The following EPB41L5 variants were observed in gnomAD, a reference collection of about 807,000 sequenced individuals.
The protein encoded by EPB41L5 is erythrocyte membrane protein band 4.1 like 5, also known as band 4.1-like protein 5.
Under a neutral mutation model 106.6 loss-of-function variants are expected in EPB41L5, and 55 were observed. That is an observed-to-expected ratio of 0.52 (90% CI 0.42 to 0.65). The LOEUF (loss-of-function observed/expected upper bound fraction) is 0.65. Among genes scored for constraint, EPB41L5 ranks in the 30% least tolerant of loss-of-function variants. The pLI is 0.00. For missense variants in EPB41L5, 871 were observed against 882.1 expected (o/e 0.99, Z 0.16); for synonymous variants, 297 against 306.7 (o/e 0.97, Z 0.33).
intron 3 of EPB41L5, among the ~76,000 whole-genome samples, chr2:120,043,007 G>T (rs796784171): frequency 1.3e-5 from 1 of 74,848 alleles, no homozygotes; most frequent in Non-Finnish European, 3.7e-5. Flanking sequence ...GTGTGTGTGT[G>T]TGTGTGTGTG....
intron 18 of EPB41L5, among the ~76,000 whole-genome samples, chr2:120,139,227 A>G (rs1686068350): frequency 1.3e-5 from 2 of 152,134 alleles, no homozygotes. Context: ...AAACCACTAA[A>G]AGAAAATATT....
At chr2:120,046,648 A>C (rs1198440640) in intron 3 of EPB41L5, among the ~76,000 whole-genome samples, 4 of 151,890 alleles carry the variant, frequency 2.6e-5, no homozygotes, top group Non-Finnish European at 5.9e-5. Flanking sequence ...TGCTGTGCAG[A>C]AGCTCTTTAG....
At chr2:120,070,190 A>C (rs144016613) in intron 3 of EPB41L5, among the ~76,000 whole-genome samples, 7,003 of 152,314 alleles carry the variant, frequency 0.046, 230 homozygotes, top group Non-Finnish European at 0.071. Flanking sequence ...CCATCAGAAA[A>C]TATTGTAAAC....
At chr2:120,112,978 G>T (rs1016357979) in intron 16 of EPB41L5, among the ~76,000 whole-genome samples, 6 of 152,150 alleles carry the variant, frequency 3.9e-5, no homozygotes, top group African/African-American at 1.2e-4. Context: ...ACTCTGTAAA[G>T]GTTGTTGGGG....
intron 12 of EPB41L5, 59 bp downstream of exon 12, chr2:120,090,575 C>A: frequency 1.4e-6 from 2 of 1,463,508 alleles, no homozygotes; most frequent in South Asian, 1.3e-5. Flanking sequence ...AAAATTTAGG[C>A]CAATCTTCTC....
At chr2:120,060,333 A>T (rs1680948111) in intron 3 of EPB41L5, among the ~76,000 whole-genome samples, 1 of 152,210 alleles carries the variant, frequency 6.6e-6, no homozygotes, top group South Asian at 2.1e-4. Flanking sequence ...TAGCATCTTT[A>T]TTTGTAGTAG....
At chr2:120,125,571 C>T (rs563139207) in intron 16 of EPB41L5, among the ~76,000 whole-genome samples, 1 of 152,302 alleles carries the variant, frequency 6.6e-6, no homozygotes, top group African/African-American at 2.4e-5. Context: ...CCTTTCTCCA[C>T]TTTCAGAGGT....
At chr2:120,153,880 C>T (rs1310040522) in intron 20 of EPB41L5, among the ~76,000 whole-genome samples, 3 of 152,172 alleles carry the variant, frequency 2.0e-5, no homozygotes, top group Non-Finnish European at 4.4e-5. Flanking sequence ...AATCTATTCA[C>T]ATCTTTGGAT....
intron 2 of EPB41L5, among the ~76,000 whole-genome samples, chr2:120,028,483 C>T (rs986961643): frequency 6.6e-6 from 1 of 152,046 alleles, no homozygotes; most frequent in African/African-American, 2.4e-5. Context: ...CTGCAGTGGA[C>T]TATGATCATC....
intron 2 of EPB41L5, among the ~76,000 whole-genome samples, chr2:120,026,036 T>C (rs569636931): frequency 1.3e-5 from 2 of 152,276 alleles, no homozygotes; most frequent in African/African-American, 2.4e-5. Context: ...AGAATAGTCT[T>C]TTTAACAAAC....
intron 18 of EPB41L5, among the ~76,000 whole-genome samples, chr2:120,139,351 C>G (rs192551222): frequency 1.8e-4 from 27 of 151,994 alleles, no homozygotes; most frequent in Admixed American, 1.6e-3. Context: ...TAAAAAGTTC[C>G]TGCACAGCAA....
At chr2:120,071,511 C>T (rs1252946162) in intron 3 of EPB41L5, among the ~76,000 whole-genome samples, 1 of 152,180 alleles carries the variant, frequency 6.6e-6, no homozygotes, top group Non-Finnish European at 1.5e-5. Context: ...AGGCATCACG[C>T]TACCTGACTT....
chr2:120,103,208 T>TA (rs978151608), intron 16 of EPB41L5, among the ~76,000 whole-genome samples: 28 of 152,232 alleles, frequency 1.8e-4, no homozygotes, highest in African/African-American at 6.8e-4. Flanking sequence ...CCTTTGTAGT[T>TA]ATTTTAAATA....
chr2:120,148,907 T>C (rs1686535498), intron 20 of EPB41L5, among the ~76,000 whole-genome samples: 1 of 152,064 alleles, frequency 6.6e-6, no homozygotes, highest in Admixed American at 6.6e-5. Flanking sequence ...AGTCATATGG[T>C]AACTCTATAT....
At chr2:120,068,122 AT>A (rs1472899256) in intron 3 of EPB41L5, among the ~76,000 whole-genome samples, 1 of 152,178 alleles carries the variant, frequency 6.6e-6, no homozygotes, top group African/African-American at 2.4e-5. Flanking sequence ...GGTGCAGCTC[AT>A]GGAGGGCAAG....
At chr2:120,154,341 T>G (rs902495766) in intron 20 of EPB41L5, among the ~76,000 whole-genome samples, 1 of 151,454 alleles carries the variant, frequency 6.6e-6, no homozygotes, top group African/African-American at 2.4e-5. Context: ...TTTTTTGTAT[T>G]TTTAGTAGAG....
At chr2:120,142,881 A>G in intron 18 of EPB41L5, 122 bp from the exon 19 acceptor site, 1 of 826,490 alleles carries the variant, frequency 1.2e-6, no homozygotes, top group Non-Finnish European at 1.9e-6. Context: ...GAAATAAGAT[A>G]TGGCTGCTTA....
intron 3 of EPB41L5, among the ~76,000 whole-genome samples, chr2:120,063,521 A>G (rs1290489983): frequency 1.3e-5 from 2 of 152,086 alleles, no homozygotes; most frequent in Admixed American, 6.6e-5. Context: ...AAACTACCAT[A>G]TTACCCCTAT....
At chr2:120,168,178 A>G (rs1687501983) in intron 24 of EPB41L5, among the ~76,000 whole-genome samples, 171 bp downstream of exon 24, 1 of 152,224 alleles carries the variant, frequency 6.6e-6, no homozygotes, top group Non-Finnish European at 1.5e-5. Context: ...TTTTCTTGTC[A>G]GTAGCAATTT....
Sources: allele counts gnomAD v4.1 joint callset (sites outside exome capture counted in the v4.1 genomes callset), GRCh38; gene constraint gnomAD v4.1.1; transcripts MANE v1.5; gene names NCBI Gene and HGNC (gene_info 2026-07-23, HGNC 2026-07-21).